Variants in SI observed in about 807,000 individuals in gnomAD.
SI encodes the protein sucrase-isomaltase.
SI carries 235 observed loss-of-function variants against 253.3 expected under a neutral mutation model. The ratio of observed to expected loss-of-function variants is 0.93; its 90% CI spans 0.83 to 1.03. The LOEUF is 1.03. Ranked by LOEUF, SI falls within the 50% of genes least tolerant of loss-of-function variation. The pLI, the probability that SI is intolerant of heterozygous loss-of-function variation, is 0.00. For missense variants in SI, 2,442 were observed against 2,211.1 expected (o/e 1.10, Z -2.09); for synonymous variants, 819 against 712.0 (o/e 1.15, Z -2.39).
intron 22 of SI, among the ~76,000 whole-genome samples, chr3:165,034,088 T>G (rs1712397849): frequency 6.6e-6 from 1 of 151,778 alleles, no homozygotes; most frequent in Admixed American, 6.6e-5. Context: ...AATCCTAGGA[T>G]TCATATAATA....
chr3:165,060,860 TA>T (rs958008582), intron 9 of SI, among the ~76,000 whole-genome samples: 4,328 of 145,024 alleles, frequency 0.03, 99 homozygotes, highest in African/African-American at 0.064. Flanking sequence ...GTATATATAT[TA>T]AAAAAAAATA....
At chr3:164,982,121 A>T in intron 47 of SI, 122 bp downstream of exon 47, 1 of 709,096 alleles carries the variant, frequency 1.4e-6, no homozygotes, top group Non-Finnish European at 2.4e-6. Flanking sequence ...AATGAAAAGG[A>T]ATATATGAAG....
rs1442411742 is a variant in SI at position 165,063,550 on chromosome 3, C to G, written c.808-9G>C. The G allele has an allele frequency of 3.3e-6, 4 of 1,219,258 alleles. No homozygotes were observed. Among genetic ancestry groups the G allele is most frequent in the Non-Finnish European group, 4.8e-6 (4 of 831,914 alleles). The allele number at this position is 1,219,258 out of a possible 1,614,324, so 75.5% of individuals were successfully genotyped here. A position where few individuals can be genotyped will look rare whatever the true frequency, so the allele number is the denominator to read the frequency against. On this transcript the variant is annotated splice_polypyrimidine_tract_variant and intron_variant, in intron 7 of 47. Coordinates refer to ENST00000264382, the MANE Select transcript of SI (RefSeq NM_001041.4). ...TATAAATTATTATTATTCTATAAGGCAAGAATTTGAAAATACGATTTTCAA... is the reference window on the plus strand; with the variant it reads ...TATAAATTATTATTATTCTATAAGGGAAGAATTTGAAAATACGATTTTCAA...
intron 26 of SI, 54 bp from the exon 27 acceptor site, chr3:165,021,437 C>A: frequency 7.3e-7 from 1 of 1,364,158 alleles, no homozygotes; most frequent in Non-Finnish European, 1.0e-6. Flanking sequence ...ATAGCATGTA[C>A]ATATCATGAA....
intron 13 of SI, among the ~76,000 whole-genome samples, chr3:165,052,703 A>T (rs1329698031): frequency 6.6e-6 from 1 of 152,028 alleles, no homozygotes; most frequent in Non-Finnish European, 1.5e-5. Context: ...AATGTACCTC[A>T]AGTTTCTTTA....
chr3:165,086,060 C>T, the SI span, among the ~76,000 whole-genome samples: 1 of 152,034 alleles, frequency 6.6e-6, no homozygotes, highest in African/African-American at 2.4e-5. Context: ...TCGAGACCAG[C>T]CTAGTCAACA....
At chr3:164,985,698 A>C (rs1482106427) in intron 45 of SI, among the ~76,000 whole-genome samples, 1 of 152,160 alleles carries the variant, frequency 6.6e-6, no homozygotes, top group Non-Finnish European at 1.5e-5. Context: ...TTTTGATTAA[A>C]GTTTGTGTCA....
At chr3:165,088,401 TTGGGAGGCCGAGGTGGGTGGATCATGAGG>T in the SI span, among the ~76,000 whole-genome samples, 4 of 150,398 alleles carry the variant, frequency 2.7e-5, no homozygotes, top group African/African-American at 9.8e-5. Context: ...TCCCAGCACT[TTGGGAGGCCGAGGTGGGTGGATCATGAGG>T]TCAGGAGTTC....
At chr3:165,006,240 C>G (rs990120553) in intron 37 of SI, among the ~76,000 whole-genome samples, 1 of 152,192 alleles carries the variant, frequency 6.6e-6, no homozygotes, top group Non-Finnish European at 1.5e-5. Context: ...TCCCGAGTAA[C>G]TGGGACCACA....
intron 44 of SI, among the ~76,000 whole-genome samples, chr3:164,989,353 GAAGAAAGA>G (rs201006284): frequency 1.8e-5 from 2 of 110,998 alleles, no homozygotes; most frequent in African/African-American, 6.8e-5. Context: ...AAGAGAGAAA[GAAGAAAGA>G]AAGAAAGAAA....
chr3:165,034,646 A>T (rs1712430776), intron 22 of SI, among the ~76,000 whole-genome samples: 1 of 151,914 alleles, frequency 6.6e-6, no homozygotes, highest in Admixed American at 6.6e-5. Context: ...GCTAAAATTG[A>T]ATGAGAAATA....
intron 20 of SI, among the ~76,000 whole-genome samples, chr3:165,038,733 T>C (rs1464333229): frequency 1.3e-5 from 2 of 151,992 alleles, no homozygotes; most frequent in Non-Finnish European, 2.9e-5. Flanking sequence ...TCAAGTCTTC[T>C]GGCAATAAGA....
intron 33 of SI, 147 bp downstream of exon 33, chr3:165,014,976 A>G: frequency 1.6e-6 from 1 of 636,540 alleles, no homozygotes. Flanking sequence ...GGATTGAACC[A>G]AAGACTATAC....
At chr3:165,008,315 A>G (rs930214841) in intron 35 of SI, among the ~76,000 whole-genome samples, 1 of 151,608 alleles carries the variant, frequency 6.6e-6, no homozygotes, top group Non-Finnish European at 1.5e-5. Context: ...CTTCCCCTCC[A>G]CTCCTGCCCT....
upstream of SI, among the ~76,000 whole-genome samples, chr3:165,078,766 T>A (rs1161456925): frequency 2.0e-5 from 3 of 151,620 alleles, no homozygotes; most frequent in African/African-American, 7.2e-5. Flanking sequence ...TTTTCAAAAT[T>A]ATATTTATTT....
At chr3:165,007,852 T>A in intron 36 of SI, 59 bp downstream of exon 36, 1 of 685,338 alleles carries the variant, frequency 1.5e-6, no homozygotes, top group Non-Finnish European at 2.5e-6. Flanking sequence ...TTATATTATA[T>A]ACCTATTAAT....
chr3:165,065,703 A>T (rs1714213929), intron 6 of SI, among the ~76,000 whole-genome samples: 1 of 151,326 alleles, frequency 6.6e-6, no homozygotes, highest in African/African-American at 2.4e-5. Flanking sequence ...TACCATTATC[A>T]ATCACATTTC....
chr3:164,995,563 CCTT>C (rs1353023238), intron 40 of SI, among the ~76,000 whole-genome samples: 1 of 151,704 alleles, frequency 6.6e-6, no homozygotes, highest in Non-Finnish European at 1.5e-5. Flanking sequence ...GTCTTTCCCT[CCTT>C]CTGCATTTGA....
chr3:165,000,182 C>A (rs1474235579), intron 37 of SI, among the ~76,000 whole-genome samples: 2 of 151,264 alleles, frequency 1.3e-5, no homozygotes, highest in Non-Finnish European at 3.0e-5. Context: ...AAATTCTTCA[C>A]GTGTTCACAT....
Sources: gnomAD v4.1 joint callset for allele counts (sites outside exome capture counted in the v4.1 genomes callset) on GRCh38, gnomAD v4.1.1 for gene constraint, MANE v1.5 for transcripts, NCBI Gene and HGNC (gene_info 2026-07-23, HGNC 2026-07-21) for gene names.